Variants in SH2B1 observed in about 807,000 individuals in gnomAD.
The protein encoded by SH2B1 is SH2B adapter protein 1.
In SH2B1, 15 loss-of-function variants were observed where a neutral mutation model predicts 62.6. That is an observed-to-expected ratio of 0.24 (90% confidence interval 0.16 to 0.37). The LOEUF (loss-of-function observed/expected upper bound fraction) is 0.37. Ranked by LOEUF, SH2B1 falls within the 10% of genes least tolerant of loss-of-function variation. The pLI is 1.00. For missense variants in SH2B1, 925 were observed against 1,015.6 expected, an observed-to-expected ratio of 0.91 and a Z score of 1.21; for synonymous variants, 443 against 438.0, an observed-to-expected ratio of 1.01 and a Z score of -0.14.
At chr16:28,853,046 TTA>T (rs1313729156) in intron 1 of SH2B1, among the ~76,000 whole-genome samples, 7 of 98,782 alleles carry the variant, frequency 7.1e-5, no homozygotes, top group African/African-American at 2.0e-4. Context: ...ACATATATAT[TTA>T]TATATGTACA....
At chr16:28,851,289 A>G (rs1555509642) in intron 1 of SH2B1, among the ~76,000 whole-genome samples, 1 of 150,910 alleles carries the variant, frequency 6.6e-6, no homozygotes, top group Non-Finnish European at 1.5e-5. Context: ...CCCCACACCT[A>G]CGCTCCTCCC....
chr16:28,873,780 G>A lies in SH2B1; in HGVS notation c.2231G>A (p.Gly744Asp). The change falls in exon 8 of 8, where the codon GGC (glycine) becomes GAC (aspartate). Residue 744 changes from glycine (G) to aspartate (D), a missense_variant. By Grantham distance (94) the Gly-to-Asp change is moderately conservative. Around this residue, in one of 3 missense-constraint regions of SH2B1, gnomAD observed 185 missense variants for 189.5 expected, o/e 0.98. Transcript: ENST00000684370. The surrounding 1 kb of genome is among the most constrained non-coding windows in gnomAD (Gnocchi z 4.2). Reference protein sequence around the residue: ...SPLGGDGEEGGHPRAINNQYS... With the variant: ...SPLGGDGEEGDHPRAINNQYS... The stretch of plus-strand genomic sequence containing the variant: ...CTAGGGGGTGATGGAGAGGAAGGGG[G>A]CCACCCCAGGGCCATTAACAACCAG... 6.8e-7 allele frequency: 1 copy of A among 1,466,220 alleles called. No homozygotes were observed. Among genetic ancestry groups the A allele is most frequent in the Non-Finnish European group, 9.0e-7 (1 of 1,110,694 alleles). The allele number at this position is 1,466,220 out of a possible 1,614,324, so 90.8% of individuals were successfully genotyped here. A position where few individuals can be genotyped will look rare whatever the true frequency, so the allele number is the denominator to read the frequency against.
upstream of SH2B1, chr16:28,863,556 C>T: frequency 1.1e-6 from 1 of 949,506 alleles, no homozygotes; most frequent in East Asian, 2.6e-5. Context: ...GACTCTATCC[C>T]CTAAGGCCGG....
At position 28,866,250 on chromosome 16, in the gene SH2B1, C is replaced by T. The variant is rs768739624; in HGVS notation, c.156C>T (p.His52=). 5.6e-6 allele frequency: 9 copies of T among 1,611,110 alleles called. No homozygotes were observed. Among genetic ancestry groups the T allele is most frequent in the Middle Eastern group, 1.7e-4 (1 of 6,054 alleles). ...GTTTTCGCCTCTACCTGGCCTCCCA[C>T]CCCCAATATGCGGGGCCCGGGGCCG... is the stretch of plus-strand genomic sequence containing the variant. ...ARRFRLYLAS[H]PQYAGPGAEA... The change falls in exon 1 of 8, where the codon CAC becomes CAT. Residue 52 remains histidine, a synonymous_variant. Coordinates refer to ENST00000684370, the MANE Select transcript of SH2B1 (RefSeq NM_001387430.1). This position sits in a 1 kb window ranked among gnomAD's most constrained non-coding sequence, Gnocchi z 6.3.
intron 1 of SH2B1, among the ~76,000 whole-genome samples, chr16:28,858,034 C>T (rs1005547329): frequency 6.6e-6 from 1 of 152,062 alleles, no homozygotes; most frequent in Admixed American, 6.5e-5. Flanking sequence ...CCACCGCGCC[C>T]GGCCAGAGTT....
upstream of SH2B1, chr16:28,862,094 CT>C (rs1024491900): frequency 2.6e-5 from 4 of 152,214 alleles, no homozygotes; most frequent in South Asian, 2.1e-4. Context: ...TGGGCCATAG[CT>C]TCCTTTACTG....
At chr16:28,849,083 G>A (rs1253484897) in intron 1 of SH2B1, among the ~76,000 whole-genome samples, 1 of 152,140 alleles carries the variant, frequency 6.6e-6, no homozygotes, top group African/African-American at 2.4e-5. Context: ...GGAAAGGCTG[G>A]TATCATGTGT....
In SH2B1 at chr16:28,864,622, T is replaced by G; in HGVS notation, c.-1473T>G. On this transcript the variant is annotated 5_prime_UTR_variant, in exon 1 of 8. Coordinates refer to ENST00000684370, the MANE Select transcript of SH2B1 (RefSeq NM_001387430.1). The stretch of plus-strand genomic sequence containing the variant: ...ACAGGAGTCTGAGGTCGCTGAGGGT[T>G]TGGGGAGGCTTTCCTGAGCTGCTCT... 1 of 985,322 alleles carries G rather than the reference T, an allele frequency of 1.0e-6. No homozygotes were observed. Among genetic ancestry groups the G allele is most frequent in the Non-Finnish European group, 1.2e-6 (1 of 829,934 alleles). The allele number at this position is 985,322 out of a possible 1,614,324, so 61.0% of individuals were successfully genotyped here.
At chr16:28,853,840 T>C (rs1962262576) in intron 1 of SH2B1, among the ~76,000 whole-genome samples, 1 of 149,748 alleles carries the variant, frequency 6.7e-6, no homozygotes. Flanking sequence ...TCTACTAAAA[T>C]ACAAAAAAAA....
rs1567458768 is a variant in SH2B1 at position 28,852,540 on chromosome 16, TTATATATATACACATATTTA to T, written c.-301+5722_-301+5741del. 5.7e-5 allele frequency among the ~76,000 whole-genome samples: 2 copies of T among 35,062 alleles called. 1 individual carries two copies. The highest frequency in any genetic ancestry group is 2.0e-3 in the East Asian group (2 of 1,004). The allele number at this position is 35,062 out of a possible 152,430, so 23.0% of individuals were successfully genotyped here. On this transcript the variant is annotated intron_variant, in intron 1 of 10. Coordinates refer to the SH2B1 transcript ENST00000322610. ...TATATTTATATATATACACATATAT[TTATATATATACACATATTTA>T]TATATATACACATATATATTTATAT...
At position 28,852,283 on chromosome 16, in the gene SH2B1, TA is replaced by T. The variant is rs1209805986; in HGVS notation, c.-301+5457del. On this transcript the variant is annotated intron_variant, in intron 1 of 10. Coordinates refer to the SH2B1 transcript ENST00000322610. Reference sequence around the variant, plus strand: ...TTACATATATATATTTACATATATATATTTACATATATATATTTACATATAT... The same window carrying T: ...TTACATATATATATTTACATATATATTTTACATATATATATTTACATATAT... Among the ~76,000 whole-genome samples the T allele has an allele frequency of 2.6e-4, 24 of 94,072 alleles. 1 individual carries two copies. Among genetic ancestry groups the T allele is most frequent in the East Asian group, 1.2e-3 (4 of 3,476 alleles). 61.7% of individuals were successfully genotyped at this position (94,072 alleles called of 152,430 possible).
chr16:28,872,918 G>A lies in SH2B1; in HGVS notation c.1897+213G>A, dbSNP rs897978940. 15 of 708,738 alleles carry A rather than the reference G, an allele frequency of 2.1e-5. No homozygotes were observed. Among genetic ancestry groups the A allele is most frequent in the South Asian group, 9.1e-5 (5 of 54,834 alleles). The allele number at this position is 708,738 out of a possible 1,614,324, so 43.9% of individuals were successfully genotyped here. A position where few individuals can be genotyped will look rare whatever the true frequency, so the allele number is the denominator to read the frequency against. On this transcript the variant is annotated intron_variant, in intron 7 of 7. Coordinates refer to ENST00000684370, the MANE Select transcript of SH2B1 (RefSeq NM_001387430.1). This position sits in a 1 kb window ranked among gnomAD's most constrained non-coding sequence, Gnocchi z 5.3. ...AGGCAGAAGGCTCCTGGCCGGAGCC[G>A]GGGCGGCAGCTGAGAGGTGGGCGGG...
rs1480874952 is a variant in SH2B1 at position 28,867,365 on chromosome 16, C to G, written c.974C>G (p.Ser325Cys). ...CCCCGACTCAGCATCCCCTGCTCTT[C>G]TATCACAGACGTCCGGACAACCACA... The part of the protein sequence containing the change: ...SRPRLSIPCS[S>C]ITDVRTTTAL... Residue 325 changes from serine (S) to cysteine (C), a missense_variant, in exon 2 of 8, where the codon TCT (serine) becomes TGT (cysteine). This residue lies in a region of SH2B1 where 683 missense variants were observed against 704.0 expected (regional missense o/e 0.97). Coordinates refer to ENST00000684370, the MANE Select transcript of SH2B1 (RefSeq NM_001387430.1). 6.8e-6 allele frequency: 11 copies of G among 1,614,186 alleles called. No homozygotes were observed. In the South Asian group the frequency reaches 8.8e-5, roughly 13 times the overall value.
At position 28,871,861 on chromosome 16, in the gene SH2B1, C is replaced by T. The variant is rs779441545; in HGVS notation, c.1391C>T (p.Ser464Leu). 7.4e-6 allele frequency: 12 copies of T among 1,611,442 alleles called. No homozygotes were observed. The highest frequency in any genetic ancestry group is 2.2e-5 in the South Asian group (2 of 91,008). ...SASIAASHFD[S>L]MELLPPELPP... ...TCCATTGCCGCCTCCCATTTTGACT[C>T]GATGGAACTGCTTCCCCCAGAGTTG... The change falls in exon 5 of 8, where the codon TCG becomes TTG. Residue 464 changes from serine (S) to leucine (L), a missense_variant. Transcript: ENST00000684370.
chr16:28,860,502 C>T (rs1423348657), upstream of SH2B1, among the ~76,000 whole-genome samples: 1 of 152,122 alleles, frequency 6.6e-6, no homozygotes, highest in Non-Finnish European at 1.5e-5. Context: ...CTTGGCCTCC[C>T]AAAGTGCTGG....
At chr16:28,847,369 A>G (rs1961998942) in intron 1 of SH2B1, among the ~76,000 whole-genome samples, 1 of 152,140 alleles carries the variant, frequency 6.6e-6, no homozygotes, top group East Asian at 1.9e-4. Flanking sequence ...ATGGCTGCTT[A>G]ACCCTGGCTA....
At position 28,873,063 on chromosome 16, in the gene SH2B1, C is replaced by G. The variant is rs1284962502; in HGVS notation, c.1897+358C>G. ...TGGGCCTGCCCTTCCCGGGGACACT[C>G]GGTCTGATCCCCTTCCCTCCTCCCT... On this transcript the variant is annotated intron_variant, in intron 7 of 7. Coordinates refer to ENST00000684370, the MANE Select transcript of SH2B1 (RefSeq NM_001387430.1). The surrounding 1 kb of genome is among the most constrained non-coding windows in gnomAD (Gnocchi z 4.2). 3 of 798,178 alleles carry G rather than the reference C, an allele frequency of 3.8e-6. No homozygotes were observed. Among genetic ancestry groups the G allele is most frequent in the Non-Finnish European group, 5.9e-6 (3 of 512,778 alleles). 49.4% of individuals were successfully genotyped at this position (798,178 alleles called of 1,614,324 possible).
chr16:28,848,504 A>G (rs553505587), intron 1 of SH2B1, among the ~76,000 whole-genome samples: 17 of 152,116 alleles, frequency 1.1e-4, no homozygotes, highest in African/African-American at 3.9e-4. Flanking sequence ...CTAGAGCTTT[A>G]TGATGTTCAG....
At chr16:28,862,750 G>GGATT (rs769505837), upstream of SH2B1, 5 of 146,420 alleles carry the variant, frequency 3.4e-5, no homozygotes, top group Admixed American at 6.9e-5. Flanking sequence ...CAAGGGGCTG[G>GGATT]GATTACAGGC....
Sources: allele counts gnomAD v4.1 joint callset (sites outside exome capture counted in the v4.1 genomes callset), GRCh38; gene constraint gnomAD v4.1.1; regional missense constraint gnomAD v4.1.1; non-coding constraint Gnocchi (gnomAD v3.1); transcripts MANE v1.5; gene names NCBI Gene and HGNC (gene_info 2026-07-23, HGNC 2026-07-21).